LCLAT1: variants seen among roughly 807,000 people sequenced by gnomAD.
The protein encoded by LCLAT1 is 1-AGP acyltransferase 8.
LCLAT1 carries 11 observed loss-of-function variants against 30.7 expected under a neutral mutation model. That is an observed-to-expected ratio of 0.36 (90% CI 0.23 to 0.59). LCLAT1 has a LOEUF of 0.59. Among genes scored for constraint, LCLAT1 ranks in the 20% least tolerant of loss-of-function variants. LCLAT1 has a pLI of 0.77. For missense variants in LCLAT1, 402 were observed against 458.6 expected, an observed-to-expected ratio of 0.88 and a Z score of 1.13; for synonymous variants, 155 against 151.3, an observed-to-expected ratio of 1.02 and a Z score of -0.18.
chr2:30,582,151 G>C (rs780747520), intron 5 of LCLAT1, among the ~76,000 whole-genome samples: 2 of 151,944 alleles, frequency 1.3e-5, no homozygotes, highest in African/African-American at 2.4e-5. Flanking sequence ...TAAAAGCATT[G>C]AATCAGTCAG....
At chr2:30,551,912 A>G (rs1006222236) in intron 3 of LCLAT1, among the ~76,000 whole-genome samples, 66 of 152,298 alleles carry the variant, frequency 4.3e-4, no homozygotes, top group African/African-American at 1.4e-3. Context: ...TTATGATTAC[A>G]TTGGGCCCAC....
At chr2:30,562,395 G>A in intron 4 of LCLAT1, 103 bp downstream of exon 4, 1 of 912,042 alleles carries the variant, frequency 1.1e-6, no homozygotes, top group South Asian at 2.5e-5. Context: ...GCTCTTCCAG[G>A]TGTGGTGGTC....
At chr2:30,455,909 C>CAAAAAAAAA (rs3060184) in intron 1 of LCLAT1, among the ~76,000 whole-genome samples, 1 of 61,000 alleles carries the variant, frequency 1.6e-5, no homozygotes, top group African/African-American at 6.7e-5. Context: ...GACCCTATAT[C>CAAAAAAAAA]AAAAAAAAAA....
chr2:30,580,018 A>C (rs938824015), intron 5 of LCLAT1, among the ~76,000 whole-genome samples: 1 of 152,144 alleles, frequency 6.6e-6, no homozygotes, highest in African/African-American at 2.4e-5. Flanking sequence ...AGTAAAAGTA[A>C]TTATACCTCA....
intron 1 of LCLAT1, among the ~76,000 whole-genome samples, chr2:30,461,834 G>A (rs1287292632): frequency 7.0e-5 from 10 of 142,732 alleles, no homozygotes; most frequent in African/African-American, 1.8e-4. Flanking sequence ...GCAGTGGCGC[G>A]ATCTCGGCTC....
At chr2:30,476,782 A>G (rs1383379950) in intron 1 of LCLAT1, 2 of 317,518 alleles carry the variant, frequency 6.3e-6, no homozygotes, top group Non-Finnish European at 1.2e-5. Flanking sequence ...CTATGAAACC[A>G]GTTCCTGGTG....
At chr2:30,546,578 A>T (rs1403165701) in intron 3 of LCLAT1, among the ~76,000 whole-genome samples, 2 of 152,248 alleles carry the variant, frequency 1.3e-5, no homozygotes, top group Non-Finnish European at 2.9e-5. Flanking sequence ...ATTTATAAAC[A>T]TTACAATAAA....
chr2:30,608,968 C>T (rs1410979780), intron 5 of LCLAT1, among the ~76,000 whole-genome samples: 1 of 152,190 alleles, frequency 6.6e-6, no homozygotes, highest in Non-Finnish European at 1.5e-5. Context: ...TTCCTGTGAA[C>T]ACTTGGTATT....
intron 1 of LCLAT1, among the ~76,000 whole-genome samples, chr2:30,494,634 G>A (rs1474313951): frequency 1.3e-5 from 2 of 151,574 alleles, no homozygotes; most frequent in Admixed American, 6.6e-5. Context: ...ATGTAAGTGT[G>A]TGTATGGGGA....
intron 1 of LCLAT1, among the ~76,000 whole-genome samples, chr2:30,517,985 A>G (rs567676002): frequency 2.0e-5 from 3 of 152,308 alleles, no homozygotes; most frequent in South Asian, 2.1e-4. Flanking sequence ...CCTTAACCCA[A>G]TAACCCACAG....
chr2:30,546,154 T>G (rs1664400007), intron 3 of LCLAT1, among the ~76,000 whole-genome samples: 1 of 152,152 alleles, frequency 6.6e-6, no homozygotes, highest in African/African-American at 2.4e-5. Flanking sequence ...TGATGAATGC[T>G]TTCATCCATT....
chr2:30,459,587 C>A, intron 1 of LCLAT1: 2 of 1,504,366 alleles, frequency 1.3e-6, no homozygotes, highest in Non-Finnish European at 1.9e-6. Flanking sequence ...TTCTGGGAAG[C>A]TGGCAACAAA....
intron 3 of LCLAT1, among the ~76,000 whole-genome samples, chr2:30,561,294 C>T (rs893991402): frequency 6.6e-6 from 1 of 152,070 alleles, no homozygotes; most frequent in African/African-American, 2.4e-5. Context: ...TTGGTCTGTC[C>T]ATTTGACTGT....
intron 1 of LCLAT1, among the ~76,000 whole-genome samples, chr2:30,519,986 C>T (rs568158414): frequency 1.8e-4 from 27 of 152,282 alleles, no homozygotes; most frequent in African/African-American, 5.1e-4. Flanking sequence ...TGCCCATTGC[C>T]GCTCCCGATC....
intron 1 of LCLAT1, among the ~76,000 whole-genome samples, chr2:30,478,007 T>C (rs191523923): frequency 3.6e-4 from 55 of 151,928 alleles, no homozygotes; most frequent in African/African-American, 1.3e-3. Context: ...TTAAGGAATT[T>C]TGTGGTCTGA....
chr2:30,600,907 C>T (rs1489786105), intron 5 of LCLAT1, among the ~76,000 whole-genome samples: 1 of 152,158 alleles, frequency 6.6e-6, no homozygotes, highest in East Asian at 1.9e-4. Context: ...CTCCCTGTCT[C>T]TTTCAGGTGT....
chr2:30,464,635 C>G (rs1682328635), intron 1 of LCLAT1, among the ~76,000 whole-genome samples: 1 of 152,108 alleles, frequency 6.6e-6, no homozygotes, highest in African/African-American at 2.4e-5. Context: ...GAATTTAACT[C>G]ATACAGTGAA....
intron 1 of LCLAT1, among the ~76,000 whole-genome samples, chr2:30,456,905 A>C (rs1681866133): frequency 6.6e-6 from 1 of 152,226 alleles, no homozygotes; most frequent in Non-Finnish European, 1.5e-5. Context: ...AAAGTTGGAC[A>C]GGGATTACTT....
At chr2:30,490,889 G>C (rs560078752) in intron 1 of LCLAT1, among the ~76,000 whole-genome samples, 20 of 152,108 alleles carry the variant, frequency 1.3e-4, no homozygotes, top group African/African-American at 4.8e-4. Context: ...GAGATGTGTT[G>C]TAAGTATAAA....
Sources: gnomAD v4.1 joint callset for allele counts (sites outside exome capture counted in the v4.1 genomes callset) on GRCh38, gnomAD v4.1.1 for gene constraint, MANE v1.5 for transcripts, NCBI Gene and HGNC (gene_info 2026-07-23, HGNC 2026-07-21) for gene names.